The following UBAC2 variants were observed in gnomAD, a reference collection of about 807,000 sequenced individuals.
UBAC2 encodes the protein UBA domain containing 2, also known as ubiquitin-associated domain-containing protein 2.
UBAC2 carries 26 observed loss-of-function variants against 44.0 expected under a neutral mutation model. That is an observed-to-expected ratio of 0.59 (90% CI 0.43 to 0.82). UBAC2 has a LOEUF of 0.82. Ranked by LOEUF, UBAC2 falls within the 40% of genes least tolerant of loss-of-function variation. The pLI is 0.00. For missense variants in UBAC2, 329 were observed against 419.4 expected (o/e 0.78, Z 1.88); for synonymous variants, 155 against 154.3 (o/e 1.00, Z -0.04).
intron 4 of UBAC2, among the ~76,000 whole-genome samples, chr13:99,270,383 G>C (rs1438085993): frequency 6.6e-6 from 1 of 152,146 alleles, no homozygotes; most frequent in African/African-American, 2.4e-5. Flanking sequence ...GTATGTAAAT[G>C]TTAATAAGAA....
chr13:99,222,753 A>G (rs1204411371), intron 1 of UBAC2, among the ~76,000 whole-genome samples: 1 of 152,146 alleles, frequency 6.6e-6, no homozygotes, highest in African/African-American at 2.4e-5. Flanking sequence ...TGATTTACTG[A>G]TGTTTTGTTG....
intron 8 of UBAC2, among the ~76,000 whole-genome samples, chr13:99,384,856 A>G (rs192357623): frequency 9.9e-5 from 15 of 151,902 alleles, no homozygotes; most frequent in Admixed American, 8.5e-4. Flanking sequence ...GCCAGGGCTG[A>G]GCATGGGTCA....
In UBAC2 at chr13:99,340,373, C is replaced by T; in HGVS notation, c.615C>T (p.Cys205=). 1.2e-6 allele frequency: 2 copies of T among 1,614,230 alleles called. No individual in the cohort carries two copies. The highest frequency in any genetic ancestry group is 1.7e-5 in the Admixed American group (1 of 60,026). ...SKMFQVHQVL[C]IPSWMAKFFS... The stretch of plus-strand genomic sequence containing the variant: ...TGTTCCAGGTGCATCAGGTGCTCTG[C>T]ATCCCCAGCTGGATGGCAAAATTCT... The change falls in exon 7 of 9, where the codon TGC becomes TGT. Residue 205 remains cysteine, a synonymous_variant. Coordinates refer to ENST00000403766, the MANE Select transcript of UBAC2 (RefSeq NM_001144072.2).
chr13:99,218,813 G>A (rs1231994097), intron 1 of UBAC2, among the ~76,000 whole-genome samples: 2 of 152,174 alleles, frequency 1.3e-5, no homozygotes, highest in Non-Finnish European at 2.9e-5. Flanking sequence ...TTGTTGAGAC[G>A]ATCACCAGGA....
chr13:99,374,706 T>C (rs2045457282), intron 8 of UBAC2, among the ~76,000 whole-genome samples: 1 of 152,220 alleles, frequency 6.6e-6, no homozygotes, highest in Non-Finnish European at 1.5e-5. Flanking sequence ...TTATTGGTTT[T>C]GAGACACATC....
At chr13:99,370,865 C>G (rs2045396480) in intron 8 of UBAC2, among the ~76,000 whole-genome samples, 1 of 152,172 alleles carries the variant, frequency 6.6e-6, no homozygotes. Flanking sequence ...AATTTCTAGA[C>G]AAAGGTTATC....
At chr13:99,347,613 T>TTCCC (rs1315744757) in intron 7 of UBAC2, among the ~76,000 whole-genome samples, 6 of 152,022 alleles carry the variant, frequency 3.9e-5, no homozygotes, top group Non-Finnish European at 8.8e-5. Flanking sequence ...GTGTGGCATA[T>TTCCC]TCCCATTCCA....
chr13:99,295,610 A>C lies in UBAC2; in HGVS notation c.390-18487A>C. ...AAAGTTTGGATACTCCATGCATGTA[A>C]TCCTTTCAGCCTCCTGCTTTGACAT... On this transcript the variant is annotated intron_variant, in intron 4 of 8. Transcript: ENST00000403766. This position sits in a 1 kb window ranked among gnomAD's most constrained non-coding sequence, Gnocchi z 4.1. The C allele has an allele frequency of 6.2e-7, 1 of 1,614,142 alleles. No individual in the cohort carries two copies. The highest frequency in any genetic ancestry group is 1.6e-4 in the Middle Eastern group (1 of 6,062).
At chr13:99,298,971 T>C (rs1566491550) in intron 4 of UBAC2, among the ~76,000 whole-genome samples, 1 of 152,236 alleles carries the variant, frequency 6.6e-6, no homozygotes, top group Non-Finnish European at 1.5e-5. Flanking sequence ...ATGTATATTT[T>C]TGAGTATTTC....
intron 6 of UBAC2, among the ~76,000 whole-genome samples, chr13:99,333,276 A>G (rs750715232): frequency 1.3e-5 from 2 of 152,210 alleles, no homozygotes; most frequent in Non-Finnish European, 2.9e-5. Context: ...TTATATTTTA[A>G]TCCTTTGTGA....
At position 99,375,317 on chromosome 13, in the gene UBAC2, G is replaced by A. The variant is rs150272775; in HGVS notation, c.927+7411G>A. Among the ~76,000 whole-genome samples, 534 of 151,728 alleles carry A rather than the reference G, an allele frequency of 3.5e-3. 7 individuals carry two copies. The highest frequency in any genetic ancestry group is 0.012 in the African/African-American group (507 of 41,304). On this transcript the variant is annotated intron_variant, in intron 8 of 8. Transcript: ENST00000403766. Reference sequence around the variant, plus strand: ...CTGCAGTTCTCCCAAGGAAGAGAGTGGTCAGACAGGGAGAGGGGGGTGGGG... The same window carrying A: ...CTGCAGTTCTCCCAAGGAAGAGAGTAGTCAGACAGGGAGAGGGGGGTGGGG...
At chr13:99,234,602 A>G (rs956022033) in intron 1 of UBAC2, among the ~76,000 whole-genome samples, 2 of 152,226 alleles carry the variant, frequency 1.3e-5, no homozygotes, top group Admixed American at 1.3e-4. Context: ...GTCCAATGAC[A>G]AGCATCAGTA....
intron 1 of UBAC2, among the ~76,000 whole-genome samples, chr13:99,202,922 C>T (rs896721669): frequency 1.3e-5 from 2 of 152,198 alleles, no homozygotes; most frequent in African/African-American, 4.8e-5. Context: ...AGCTTAGGCA[C>T]AGTTTTCCAG....
chr13:99,384,968 T>G (rs1480409171), intron 8 of UBAC2, among the ~76,000 whole-genome samples: 1 of 152,250 alleles, frequency 6.6e-6, no homozygotes, highest in Non-Finnish European at 1.5e-5. Context: ...TAGGCCACTT[T>G]ACCCTCAGAA....
At chr13:99,316,133 G>A (rs147309209) in intron 5 of UBAC2, among the ~76,000 whole-genome samples, 96 of 151,958 alleles carry the variant, frequency 6.3e-4, no homozygotes, top group African/African-American at 2.0e-3. Flanking sequence ...TAATATTTCC[G>A]GTAACTTTGA....
chr13:99,349,987 A>G (rs1030659679), intron 7 of UBAC2, among the ~76,000 whole-genome samples: 3 of 152,164 alleles, frequency 2.0e-5, no homozygotes, highest in Non-Finnish European at 4.4e-5. Context: ...CCGCTTGACC[A>G]AGGAGCCCTC....
chr13:99,262,849 G>T lies in UBAC2; in HGVS notation c.389+18225G>T, dbSNP rs139071706. ...ATTTTAGTACACAGCCATTTGTATA[G>T]TAAAAGTAAACATGTATCTATAAGG... On this transcript the variant is annotated intron_variant, in intron 4 of 8. Coordinates refer to ENST00000403766, the MANE Select transcript of UBAC2 (RefSeq NM_001144072.2). Among the ~76,000 whole-genome samples the T allele has an allele frequency of 5.2e-4, 78 of 151,228 alleles. 3 individuals carry two copies. The East Asian group carries it at 0.014, about 28-fold the overall frequency.
At chr13:99,347,733 T>C (rs1358218937) in intron 7 of UBAC2, among the ~76,000 whole-genome samples, 2 of 151,046 alleles carry the variant, frequency 1.3e-5, no homozygotes, top group Non-Finnish European at 3.0e-5. Flanking sequence ...ATGCTCATCA[T>C]TAAGCACAGG....
intron 4 of UBAC2, among the ~76,000 whole-genome samples, chr13:99,292,934 A>G (rs1010344817): frequency 1.3e-5 from 2 of 152,224 alleles, no homozygotes; most frequent in Non-Finnish European, 2.9e-5. Context: ...CTGTTCTCCA[A>G]GTTGACCTCC....
Sources: allele counts gnomAD v4.1 joint callset (sites outside exome capture counted in the v4.1 genomes callset), GRCh38; gene constraint gnomAD v4.1.1; non-coding constraint Gnocchi (gnomAD v3.1); transcripts MANE v1.5; gene names NCBI Gene and HGNC (gene_info 2026-07-23, HGNC 2026-07-21).